FGFRL1: variants seen among roughly 807,000 people sequenced by gnomAD.
FGFRL1 encodes fibroblast growth factor receptor like 1.
A neutral mutation model predicts 36.8 loss-of-function variants in FGFRL1; 24 were observed. That is an observed-to-expected ratio of 0.65 (90% CI 0.47 to 0.92). The LOEUF (loss-of-function observed/expected upper bound fraction) is 0.92, where lower values mean the gene tolerates loss of function less well. FGFRL1 is among the 40% of genes least tolerant of loss of function. The pLI is 0.00. For synonymous variants in FGFRL1, 422 were observed against 344.1 expected (o/e 1.23, Z -2.50); for missense variants, 785 against 753.4 (o/e 1.04, Z -0.49).
In FGFRL1 at chr4:1,024,559, C is replaced by G; in HGVS notation, c.967C>G (p.Leu323Val). 1 of 1,612,510 alleles carries G rather than the reference C, an allele frequency of 6.2e-7. No individual in the cohort carries two copies. The highest frequency in any genetic ancestry group is 1.3e-5 in the African/African-American group (1 of 75,026). ...GCCCGACGGCTCCTACCTCAATAAG[C>G]TGCTCATCACCCGTGCCCGCCAGGA... Reference protein sequence around the residue: ...SRPDGSYLNKLLITRARQDDA... With the variant: ...SRPDGSYLNKVLITRARQDDA... Residue 323 changes from leucine (L) to valine (V), a missense_variant, in exon 6 of 7, where the codon CTG (leucine) becomes GTG (valine). By Grantham distance (32) the Leu-to-Val change is conservative. Coordinates refer to ENST00000510644, the MANE Select transcript of FGFRL1 (RefSeq NM_001004356.3).
chr4:1,019,532 G>T (rs976635909), intron 2 of FGFRL1, among the ~76,000 whole-genome samples: 1 of 152,320 alleles, frequency 6.6e-6, no homozygotes, highest in Admixed American at 6.5e-5. Flanking sequence ...CCTGGGGTGC[G>T]TCTGGGACCT....
chr4:1,018,459 T>C (rs544304004), intron 2 of FGFRL1, among the ~76,000 whole-genome samples: 1 of 152,286 alleles, frequency 6.6e-6, no homozygotes, highest in African/African-American at 2.4e-5. Context: ...TGTCTCAGAC[T>C]CAGTTTACTC....
At position 1,026,431 on chromosome 4, in the gene FGFRL1, TGTCCCCGCCTCA is replaced by T. The variant is rs928866558; in HGVS notation, c.*1096_*1107del. On this transcript the variant is annotated 3_prime_UTR_variant, in exon 7 of 7. Transcript: ENST00000510644. ...TCACTCCCCCAACTCTGCCCGCCTC[TGTCCCCGCCTCA>T]GTCCCCGCCTCCATCCCCGCCTCTG... The T allele has an allele frequency of 1.5e-4, 24 of 158,444 alleles. No individual in the cohort carries two copies. Among genetic ancestry groups the T allele is most frequent in the South Asian group, 6.6e-4 (4 of 6,022 alleles). 9.8% of individuals were successfully genotyped at this position (158,444 alleles called of 1,614,324 possible). A position where few individuals can be genotyped will look rare whatever the true frequency, so the allele number is the denominator to read the frequency against.
intron 2 of FGFRL1, among the ~76,000 whole-genome samples, chr4:1,013,539 C>A (rs992887014): frequency 3.3e-5 from 5 of 152,174 alleles, no homozygotes; most frequent in African/African-American, 1.2e-4. Context: ...CCCCCCCCTA[C>A]CCCCCGCCTG....
intron 2 of FGFRL1, among the ~76,000 whole-genome samples, chr4:1,020,114 C>G (rs1444650711): frequency 6.6e-6 from 1 of 152,244 alleles, no homozygotes. Context: ...GAGCTGCTCC[C>G]TGAGTGTCTG....
At chr4:1,010,441 C>T (rs145072823), upstream of FGFRL1, among the ~76,000 whole-genome samples, 4,295 of 152,330 alleles carry the variant, frequency 0.028, 97 homozygotes, top group Middle Eastern at 0.048. Flanking sequence ...TTGAGGAGTC[C>T]CACACCCTGA....
Position 1,012,539 on chromosome 4 carries a change from CT to C in FGFRL1, c.56del (p.Phe19SerfsTer42). 6.6e-7 allele frequency: 1 copy of C among 1,508,694 alleles called. No homozygotes were observed. The highest frequency in any genetic ancestry group is 8.9e-7 in the Non-Finnish European group (1 of 1,126,886). 93.5% of individuals were successfully genotyped at this position (1,508,694 alleles called of 1,614,324 possible). ...TGCTGCCGCCGCTGCTGCTGGGGGC[CT>C]TCCCGCCGGCCGCCGCCGCCCGAGG... ...LLLPPLLLGA[F>X]PPAAAARGPP... On this transcript the variant is annotated frameshift_variant, in exon 2 of 7. Coordinates refer to ENST00000510644, the MANE Select transcript of FGFRL1 (RefSeq NM_001004356.3). LOFTEE classifies it high-confidence loss of function.
In FGFRL1 at chr4:1,023,572, G is replaced by A. The variant is rs567066766; in HGVS notation, c.353-69G>A. The A allele has an allele frequency of 2.0e-5, 29 of 1,432,288 alleles. No homozygotes were observed. The African/African-American group carries it at 2.5e-4, about 13-fold the overall frequency. 88.7% of individuals were successfully genotyped at this position (1,432,288 alleles called of 1,614,324 possible). On this transcript the variant is annotated intron_variant, in intron 3 of 6. Transcript: ENST00000510644. This position sits in a 1 kb window ranked among gnomAD's most constrained non-coding sequence, Gnocchi z 6.0. Reference sequence around the variant, plus strand: ...TGGGGCTGGGGGAGCTAGAGGCCACGGGGGAGTTGGGGGAGCTCCTCAGGG... The same window carrying A: ...TGGGGCTGGGGGAGCTAGAGGCCACAGGGGAGTTGGGGGAGCTCCTCAGGG...
chr4:1,014,643 A>G (rs1289376092), intron 2 of FGFRL1, among the ~76,000 whole-genome samples: 1 of 152,188 alleles, frequency 6.6e-6, no homozygotes, highest in African/African-American at 2.4e-5. Context: ...GATTCGGGGA[A>G]GCAATAGCCG....
chr4:1,010,558 G>T (rs1424616303), upstream of FGFRL1, among the ~76,000 whole-genome samples: 4 of 152,242 alleles, frequency 2.6e-5, no homozygotes, highest in African/African-American at 7.2e-5. Flanking sequence ...GGAAGAGGGG[G>T]CTTCAGGCCC....
At chr4:1,018,064 G>C (rs908599775) in intron 2 of FGFRL1, among the ~76,000 whole-genome samples, 1 of 152,182 alleles carries the variant, frequency 6.6e-6, no homozygotes, top group Non-Finnish European at 1.5e-5. Context: ...GTGTCGGAGA[G>C]GGCACTTCAG....
At position 1,025,161 on chromosome 4, in the gene FGFRL1, T is replaced by C. The variant is rs1401970369; in HGVS notation, c.1329T>C (p.Gly443=). The part of the protein sequence containing the change: ...PSLAALSAGP[G]VGLCEEHGSP... ...TGGCCGCCCTCAGCGCTGGCCCTGG[T>C]GTGGGGCTGTGTGAGGAGCATGGGT... The change falls in exon 7 of 7, where the codon GGT becomes GGC. Residue 443 remains glycine (G), a synonymous_variant. Transcript: ENST00000510644. 5.0e-6 allele frequency: 8 copies of C among 1,610,436 alleles called. No homozygotes were observed. The highest frequency in any genetic ancestry group is 6.8e-6 in the Non-Finnish European group (8 of 1,179,024).
At chr4:1,015,732 G>A (rs1413964919) in intron 2 of FGFRL1, among the ~76,000 whole-genome samples, 5 of 152,238 alleles carry the variant, frequency 3.3e-5, no homozygotes, top group Non-Finnish European at 7.4e-5. Context: ...TGTGTGTGGC[G>A]TGGGGCCCGC....
chr4:1,022,789 G>A (rs544687271), intron 3 of FGFRL1, among the ~76,000 whole-genome samples: 84 of 152,330 alleles, frequency 5.5e-4, no homozygotes, highest in African/African-American at 1.7e-3. Flanking sequence ...AGGGTGTGCC[G>A]GCCGTCGGCT....
Position 1,026,822 on chromosome 4 carries a change from T to G in FGFRL1, c.*1475T>G. The G allele has an allele frequency of 2.2e-6, 1 of 455,330 alleles. No homozygotes were observed. 28.2% of individuals were successfully genotyped at this position (455,330 alleles called of 1,614,324 possible). A position where few individuals can be genotyped will look rare whatever the true frequency, so the allele number is the denominator to read the frequency against. On this transcript the variant is annotated 3_prime_UTR_variant, in exon 7 of 7. Transcript: ENST00000510644. ...TCGTGGTGGCCCCAGATCTCTGTAA[T>G]TTTATGTAGAGTTTGAGCTGAAGCC...
At chr4:1,017,396 C>T (rs532630568) in intron 2 of FGFRL1, among the ~76,000 whole-genome samples, 2 of 152,302 alleles carry the variant, frequency 1.3e-5, no homozygotes, top group East Asian at 1.9e-4. Flanking sequence ...CTCCACCTGC[C>T]CCTCCCTCCC....
Position 1,025,179 on chromosome 4 carries a change from G to C in FGFRL1, c.1347G>C (p.Glu449Asp), listed in dbSNP as rs200350207. 126 of 1,610,292 alleles carry C rather than the reference G, an allele frequency of 7.8e-5. No individual in the cohort carries two copies. The highest frequency in any genetic ancestry group is 4.0e-4 in the Admixed American group (24 of 59,696). Residue 449 changes from glutamate to aspartate, a missense_variant, in exon 7 of 7, where the codon GAG becomes GAC. Coordinates refer to ENST00000510644, the MANE Select transcript of FGFRL1 (RefSeq NM_001004356.3). ...SAGPGVGLCE[E>D]HGSPAAPQHL... ...GCCCTGGTGTGGGGCTGTGTGAGGA[G>C]CATGGGTCTCCGGCAGCCCCCCAGC...
chr4:1,019,227 G>A (rs1326473160), intron 2 of FGFRL1, among the ~76,000 whole-genome samples: 1 of 152,218 alleles, frequency 6.6e-6, no homozygotes, highest in South Asian at 2.1e-4. Flanking sequence ...AGCCTCTGAG[G>A]TGGGCTCCCT....
chr4:1,013,741 G>A (rs1380832326), intron 2 of FGFRL1, among the ~76,000 whole-genome samples: 3 of 152,292 alleles, frequency 2.0e-5, no homozygotes, highest in African/African-American at 7.2e-5. Context: ...GGCTCTGGAG[G>A]CCTCTGTCCT....
Sources: allele counts gnomAD v4.1 joint callset (sites outside exome capture counted in the v4.1 genomes callset), GRCh38; gene constraint gnomAD v4.1.1; non-coding constraint Gnocchi (gnomAD v3.1); transcripts MANE v1.5; gene names NCBI Gene and HGNC (gene_info 2026-07-23, HGNC 2026-07-21).